The following LZTFL1 variants were observed in gnomAD, a reference collection of about 807,000 sequenced individuals.
LZTFL1 encodes leucine zipper transcription factor-like protein 1.
Under a neutral mutation model 45.9 loss-of-function variants are expected in LZTFL1, and 25 were observed. The observed-to-expected ratio is 0.54, with a 90% CI of 0.40 to 0.76. The LOEUF (loss-of-function observed/expected upper bound fraction) is 0.76, where lower values mean the gene tolerates loss of function less well. Ranked by LOEUF, LZTFL1 falls within the 30% of genes least tolerant of loss-of-function variation. LZTFL1 has a pLI of 0.00. For missense variants in LZTFL1, 277 were observed against 331.1 expected (o/e 0.84, Z 1.27); for synonymous variants, 93 against 117.4 (o/e 0.79, Z 1.35).
intron 1 of LZTFL1, among the ~76,000 whole-genome samples, chr3:45,914,696 C>T (rs1435635227): frequency 6.6e-6 from 1 of 152,194 alleles, no homozygotes; most frequent in African/African-American, 2.4e-5. Flanking sequence ...TGGAGCAAAA[C>T]TGAGCCCTGG....
At chr3:45,848,157 C>T (rs972701893) in intron 4 of LZTFL1, among the ~76,000 whole-genome samples, 2 of 152,170 alleles carry the variant, frequency 1.3e-5, no homozygotes, top group African/African-American at 2.4e-5. Context: ...TAGAGCAATC[C>T]TATACCCACA....
chr3:45,888,013 T>C (rs1702036265), intron 2 of LZTFL1, among the ~76,000 whole-genome samples: 1 of 152,258 alleles, frequency 6.6e-6, no homozygotes, highest in African/African-American at 2.4e-5. Flanking sequence ...AGGCTATAAG[T>C]GTGGGGAGAT....
At chr3:45,868,180 T>C (rs1320225810) in intron 2 of LZTFL1, among the ~76,000 whole-genome samples, 2 of 99,940 alleles carry the variant, frequency 2.0e-5, no homozygotes, top group East Asian at 3.8e-4. Flanking sequence ...AATAAAAATA[T>C]ATATATATAT....
intron 2 of LZTFL1, among the ~76,000 whole-genome samples, chr3:45,874,163 G>T (rs537488063): frequency 6.6e-6 from 1 of 152,060 alleles, no homozygotes; most frequent in South Asian, 2.1e-4. Flanking sequence ...CCTTTGCTTT[G>T]CTTCCTTTGC....
rs549725101 is a variant in LZTFL1, at chr3:45,826,180, G to C, written c.*134C>G. 2 of 784,396 alleles carry C rather than the reference G, an allele frequency of 2.5e-6. No homozygotes were observed. The highest frequency in any genetic ancestry group is 4.7e-5 in the Admixed American group (2 of 42,432). The allele number at this position is 784,396 out of a possible 1,614,324, so 48.6% of individuals were successfully genotyped here. ...CAACTAGCTGAAAATAGGAACTCTAGTTCTAAATATTCAAAGTCTAAATAT... is the reference window on the plus strand; with the variant it reads ...CAACTAGCTGAAAATAGGAACTCTACTTCTAAATATTCAAAGTCTAAATAT... On this transcript the variant is annotated 3_prime_UTR_variant, in exon 10 of 10. Coordinates refer to ENST00000296135, the MANE Select transcript of LZTFL1 (RefSeq NM_020347.4).
At chr3:45,915,362 T>G (rs1702878780) in intron 1 of LZTFL1, 2 of 370,254 alleles carry the variant, frequency 5.4e-6, no homozygotes, top group South Asian at 3.9e-5. Flanking sequence ...GCCCCACCCT[T>G]CTCCCTCACC....
At chr3:45,903,069 T>G (rs1412705160) in intron 2 of LZTFL1, 1 of 167,144 alleles carries the variant, frequency 6.0e-6, no homozygotes, top group Non-Finnish European at 1.5e-5. Flanking sequence ...TTTCACATAT[T>G]GGAAAAGTGC....
At chr3:45,893,526 C>T (rs56058226) in intron 2 of LZTFL1, among the ~76,000 whole-genome samples, 43,006 of 152,090 alleles carry the variant, frequency 0.28, 7,551 homozygotes, top group Admixed American at 0.42. Context: ...GATTAGTTTG[C>T]ATTATTTAGA....
At chr3:45,853,474 T>C (rs756377430) in intron 4 of LZTFL1, among the ~76,000 whole-genome samples, 1 of 152,216 alleles carries the variant, frequency 6.6e-6, no homozygotes, top group Non-Finnish European at 1.5e-5. Context: ...AGCAAAATTA[T>C]TAAATGTGTA....
intron 4 of LZTFL1, among the ~76,000 whole-genome samples, chr3:45,854,716 G>A (rs1280938277): frequency 6.6e-6 from 1 of 152,182 alleles, no homozygotes; most frequent in African/African-American, 2.4e-5. Flanking sequence ...ATCCATCAGT[G>A]TGTCTTGGTC....
intron 2 of LZTFL1, among the ~76,000 whole-genome samples, chr3:45,877,525 C>T (rs560680158): frequency 3.9e-5 from 6 of 152,160 alleles, no homozygotes; most frequent in South Asian, 2.1e-4. Flanking sequence ...TAAACCACTG[C>T]GCCTGGCCAC....
At chr3:45,843,254 C>G (rs920793739), upstream of LZTFL1, among the ~76,000 whole-genome samples, 3 of 152,246 alleles carry the variant, frequency 2.0e-5, no homozygotes, top group Non-Finnish European at 4.4e-5. Context: ...CATCCCACCT[C>G]CCCATTTCTG....
chr3:45,895,085 C>A, intron 2 of LZTFL1: 1 of 961,948 alleles, frequency 1.0e-6, no homozygotes, highest in Non-Finnish European at 1.7e-6. Context: ...CTCTGCCTGG[C>A]AATGCGCATT....
intron 2 of LZTFL1, among the ~76,000 whole-genome samples, chr3:45,868,251 T>C (rs1187323995): frequency 6.6e-6 from 1 of 151,586 alleles, no homozygotes; most frequent in Non-Finnish European, 1.5e-5. Context: ...TCCCCAGCTT[T>C]CTACTGAACC....
intron 2 of LZTFL1, chr3:45,883,850 C>T (rs1438439270): frequency 5.6e-6 from 3 of 537,936 alleles, no homozygotes; most frequent in Non-Finnish European, 1.0e-5. Context: ...CATCACAGAG[C>T]AAGGATTCAG....
intron 3 of LZTFL1, chr3:45,855,112 T>A: frequency 7.8e-7 from 1 of 1,289,258 alleles, no homozygotes; most frequent in Non-Finnish European, 1.1e-6. Context: ...TTATAAGTTG[T>A]ATCTTAAAAA....
intron 4 of LZTFL1, among the ~76,000 whole-genome samples, chr3:45,848,609 CA>C (rs1701256288): frequency 6.6e-6 from 1 of 152,190 alleles, no homozygotes; most frequent in African/African-American, 2.4e-5. Context: ...GCACTAGCAA[CA>C]AGAGGTGGCT....
chr3:45,908,436 T>C (rs1702723141), intron 2 of LZTFL1, among the ~76,000 whole-genome samples: 1 of 152,208 alleles, frequency 6.6e-6, no homozygotes, highest in Non-Finnish European at 1.5e-5. Flanking sequence ...ACAGGCGTGG[T>C]GCTCATGAAA....
chr3:45,840,364 G>T (rs1196537412), intron 1 of LZTFL1, among the ~76,000 whole-genome samples: 1 of 152,154 alleles, frequency 6.6e-6, no homozygotes, highest in Non-Finnish European at 1.5e-5. Context: ...AATCATTAGA[G>T]AGGAAATGGA....
Sources: gnomAD v4.1 joint callset for allele counts (sites outside exome capture counted in the v4.1 genomes callset) on GRCh38, gnomAD v4.1.1 for gene constraint, MANE v1.5 for transcripts, NCBI Gene and HGNC (gene_info 2026-07-23, HGNC 2026-07-21) for gene names.